CEP250: variants seen among roughly 807,000 people sequenced by gnomAD.
CEP250 encodes the protein centrosomal protein 250, also known as centrosome-associated protein CEP250.
In CEP250, 242 loss-of-function variants were observed where a neutral mutation model predicts 315.7. That is an observed-to-expected ratio of 0.77 (90% CI 0.69 to 0.85). The LOEUF is 0.85. Ranked by LOEUF, CEP250 falls within the 40% of genes least tolerant of loss-of-function variation. The probability of loss-of-function intolerance (pLI) is 0.00; values close to 1 mark genes in which losing one functional copy is unlikely to be tolerated. For missense variants in CEP250, 2,515 were observed against 2,886.4 expected (o/e 0.87, Z 2.95); for synonymous variants, 1,088 against 1,175.0 (o/e 0.93, Z 1.51).
chr20:35,475,486 C>G lies in CEP250; in HGVS notation c.1572-16C>G, dbSNP rs756179766. ...TCCCTAAGAGTTCCTCTAGACCCCT[C>G]TCTTTCCCATCTTAGTCAGGAGATG... On this transcript the variant is annotated splice_polypyrimidine_tract_variant and intron_variant, in intron 14 of 34. Transcript: ENST00000397527. 1.2e-5 allele frequency: 19 copies of G among 1,613,550 alleles called. No homozygotes were observed. The highest frequency in any genetic ancestry group is 1.7e-5 in the Admixed American group (1 of 59,966).
chr20:35,511,336 CTT>C lies in CEP250; in HGVS notation c.7066-14_7066-13del, dbSNP rs746660579. 27,752 of 997,462 alleles carry C rather than the reference CTT, an allele frequency of 0.028. 29 individuals are homozygous for C. The highest frequency in any genetic ancestry group is 0.046 in the South Asian group (2,565 of 56,110). The allele number at this position is 997,462 out of a possible 1,614,324, so 61.8% of individuals were successfully genotyped here. ...ACTTCAGGGCCCTCAGCTGCTCTCG[CTT>C]TTTTTTTTTTTTCCTGCCCACCAGG... On this transcript the variant is annotated intron_variant, in intron 34 of 34. Transcript: ENST00000397527.
chr20:35,506,998 A>G (rs2064203973), intron 30 of CEP250, among the ~76,000 whole-genome samples: 1 of 152,174 alleles, frequency 6.6e-6, no homozygotes, highest in Non-Finnish European at 1.5e-5. Flanking sequence ...CACTTCACCC[A>G]CTGCCACCTC....
At chr20:35,466,261 C>G in intron 7 of CEP250, 57 bp downstream of exon 7, 1 of 1,530,692 alleles carries the variant, frequency 6.5e-7, no homozygotes, top group Non-Finnish European at 8.8e-7. Context: ...TGGATGCTGC[C>G]CTGGTCAGTA....
intron 10 of CEP250, 134 bp downstream of exon 10, chr20:35,470,120 C>A: frequency 1.5e-6 from 1 of 648,416 alleles, no homozygotes. Flanking sequence ...TAAATTTTGG[C>A]TGAATCTGAA....
Position 35,501,891 on chromosome 20 carries a change from G to T in CEP250, c.3945G>T (p.Leu1315=), listed in dbSNP as rs2274238. 47,514 of 1,613,474 alleles carry T rather than the reference G, an allele frequency of 0.029. 1,434 individuals carry two copies. The highest frequency in any genetic ancestry group is 0.11 in the South Asian group (10,332 of 91,010). Residue 1315 remains leucine, a synonymous_variant, in exon 29 of 35, where the codon CTG becomes CTT. Transcript: ENST00000397527. The part of the protein sequence containing the change: ...EGKQNSLESE[L]MELHETMASL... The stretch of plus-strand genomic sequence containing the variant: ...AGCAGAACTCCCTAGAATCTGAGCT[G>T]ATGGAACTACATGAAACTATGGCAT...
intron 21 of CEP250, 95 bp downstream of exon 21, chr20:35,490,899 G>C: frequency 2.1e-6 from 3 of 1,441,360 alleles, no homozygotes; most frequent in Non-Finnish European, 2.8e-6. Context: ...TGCTGCAGAG[G>C]GGCTTCCAGA....
intron 33 of CEP250, 105 bp downstream of exon 33, chr20:35,509,149 C>T (rs985423277): frequency 1.5e-5 from 13 of 858,240 alleles, no homozygotes; most frequent in Non-Finnish European, 2.4e-5. Context: ...TTCAGCTAGT[C>T]CAGAGAGCCC....
chr20:35,478,712 C>T (rs1056773575), intron 17 of CEP250, among the ~76,000 whole-genome samples: 1 of 152,196 alleles, frequency 6.6e-6, no homozygotes, highest in African/African-American at 2.4e-5. Flanking sequence ...TTATATGTCT[C>T]TACCATTAGA....
At position 35,462,579 on chromosome 20, in the gene CEP250, G is replaced by C. The variant is rs370715798; in HGVS notation, c.186+26G>C. 50 of 1,561,686 alleles carry C rather than the reference G, an allele frequency of 3.2e-5. No homozygotes were observed. The African/African-American group carries it at 6.2e-4, about 20-fold the overall frequency. ...GTGAGGCAGCTGCCCTTTTGGGGAG[G>C]GGAAAGAGAACAACCCCCAGAGCTA... On this transcript the variant is annotated intron_variant, in intron 4 of 34. Transcript: ENST00000397527.
Position 35,496,621 on chromosome 20 carries a change from T to C in CEP250, c.3212T>C (p.Leu1071Ser). 1 of 1,614,130 alleles carries C rather than the reference T, an allele frequency of 6.2e-7. No homozygotes were observed. The highest frequency in any genetic ancestry group is 8.5e-7 in the Non-Finnish European group (1 of 1,180,008). The change falls in exon 25 of 35, where the codon TTA becomes TCA. Residue 1071 changes from leucine to serine, a missense_variant. Physicochemically the swap from Leu to Ser is moderately radical, Grantham distance 145 (BLOSUM62 -2). Coordinates refer to ENST00000397527, the MANE Select transcript of CEP250 (RefSeq NM_007186.6). ...LMEKEQRLLV[L>S]QEADSIRQQE... ...GAAAAGGAACAGAGACTCCTTGTTT[T>C]ACAAGAAGCTGACTCTATTCGACAA...
chr20:35,493,542 G>A lies in CEP250; in HGVS notation c.3003G>A (p.Leu1001=), dbSNP rs1180913400. The A allele has an allele frequency of 1.2e-5, 19 of 1,592,072 alleles. No individual in the cohort carries two copies. Among genetic ancestry groups the A allele is most frequent in the Non-Finnish European group, 1.6e-5 (19 of 1,170,556 alleles). Residue 1001 remains leucine, a synonymous_variant, in exon 23 of 35, where the codon CTG becomes CTA. Coordinates refer to ENST00000397527, the MANE Select transcript of CEP250 (RefSeq NM_007186.6). The part of the protein sequence containing the change: ...LAALQEESSS[L]LQDKMDLQKQ... ...CCCTCCAAGAAGAGAGCAGCTCCCT[G>A]CTGCAGGATAAGATGGACCTGCAGA...
At chr20:35,474,859 C>T (rs893531536) in intron 14 of CEP250, 1 of 470,850 alleles carries the variant, frequency 2.1e-6, no homozygotes, top group African/African-American at 2.0e-5. Flanking sequence ...TATGGTAGGT[C>T]TTTAATAACT....
At position 35,501,900 on chromosome 20, in the gene CEP250, A is replaced by G. The variant is rs767984429; in HGVS notation, c.3954A>G (p.Leu1318=). 6.2e-7 allele frequency: 1 copy of G among 1,613,798 alleles called. No homozygotes were observed. Among genetic ancestry groups the G allele is most frequent in the South Asian group, 1.1e-5 (1 of 91,082 alleles). ...QNSLESELME[L]HETMASLQSR... ...CCCTAGAATCTGAGCTGATGGAACT[A>G]CATGAAACTATGGCATCCTTACAGA... The change falls in exon 29 of 35, where the codon CTA becomes CTG. Residue 1318 remains leucine, a synonymous_variant. Transcript: ENST00000397527.
chr20:35,503,716 C>T lies in CEP250; in HGVS notation c.5347C>T (p.Leu1783=). 1 of 1,614,086 alleles carries T rather than the reference C, an allele frequency of 6.2e-7. No individual in the cohort carries two copies. The highest frequency in any genetic ancestry group is 1.6e-4 in the Middle Eastern group (1 of 6,062). ...LSQREQEIVV[L]QQQLQEAREQ... is the part of the protein sequence containing the mutation. ...CCAGCGAGAGCAGGAAATAGTGGTC[C>T]TGCAGCAGCAACTGCAGGAAGCCAG... is the stretch of plus-strand genomic sequence containing the variant. Residue 1783 remains leucine, a synonymous_variant, in exon 30 of 35, where the codon CTG becomes TTG. Coordinates refer to ENST00000397527, the MANE Select transcript of CEP250 (RefSeq NM_007186.6). The surrounding 1 kb of genome is among the most constrained non-coding windows in gnomAD (Gnocchi z 4.2).
At position 35,504,475 on chromosome 20, in the gene CEP250, G is replaced by T. The variant is rs555985621; in HGVS notation, c.6106G>T (p.Asp2036Tyr). Reference protein sequence around the residue: ...IQDQDLRYQEDVQQLQQALAQ... With the variant: ...IQDQDLRYQEYVQQLQQALAQ... Reference sequence around the variant, plus strand: ...GGACCAGGATCTCCGATACCAGGAGGATGTGCAGCAGCTGCAGCAGGCACT... The same window carrying T: ...GGACCAGGATCTCCGATACCAGGAGTATGTGCAGCAGCTGCAGCAGGCACT... The change falls in exon 30 of 35, where the codon GAT becomes TAT. Residue 2036 changes from aspartate to tyrosine, a missense_variant. By Grantham distance (160) the Asp-to-Tyr change is radical. Transcript: ENST00000397527. 1.2e-6 allele frequency: 2 copies of T among 1,613,622 alleles called. No homozygotes were observed. Among genetic ancestry groups the T allele is most frequent in the Admixed American group, 1.7e-5 (1 of 59,914 alleles).
At chr20:35,501,516 GA>G (rs2064001612) in intron 28 of CEP250, among the ~76,000 whole-genome samples, 1 of 152,148 alleles carries the variant, frequency 6.6e-6, no homozygotes, top group African/African-American at 2.4e-5. Flanking sequence ...CTGGGGGCTA[GA>G]AGGAACCTCC....
Position 35,491,194 on chromosome 20 carries a change from C to T in CEP250, c.2755-18C>T, listed in dbSNP as rs556726245. ...TAATCCTGAGCCCACAAGCTGTTAC[C>T]CCCCTACCCCTCCACAGATGCAGCT... is the stretch of plus-strand genomic sequence containing the variant. On this transcript the variant is annotated intron_variant, in intron 21 of 34. Coordinates refer to ENST00000397527, the MANE Select transcript of CEP250 (RefSeq NM_007186.6). The T allele has an allele frequency of 3.1e-6, 5 of 1,609,778 alleles. No homozygotes were observed. The African/African-American group carries it at 4.0e-5, about 13-fold the overall frequency.
At chr20:35,473,335 C>T (rs748907592) in intron 12 of CEP250, 39 bp from the exon 13 acceptor site, 1 of 1,568,204 alleles carries the variant, frequency 6.4e-7, no homozygotes, top group Non-Finnish European at 8.7e-7. Flanking sequence ...CTCCTTTGCC[C>T]TTGTTCATCA....
At position 35,479,335 on chromosome 20, in the gene CEP250, C is replaced by T; in HGVS notation, c.2199C>T (p.Ala733=). ...CCAGGGCAGTCCAGGAGAAGGAGGC[C>T]CTAGTACGAGAGAAAGCGGCTCTAG... is the stretch of plus-strand genomic sequence containing the variant. ...VLARAVQEKE[A]LVREKAALEV... is the part of the protein sequence containing the mutation. The change falls in exon 18 of 35, where the codon GCC becomes GCT. Residue 733 remains alanine (A), a synonymous_variant. Coordinates refer to ENST00000397527, the MANE Select transcript of CEP250 (RefSeq NM_007186.6). The T allele has an allele frequency of 1.2e-6, 2 of 1,614,146 alleles. No individual in the cohort carries two copies. The highest frequency in any genetic ancestry group is 1.7e-6 in the Non-Finnish European group (2 of 1,180,024).
Sources: gnomAD v4.1 joint callset for allele counts (sites outside exome capture counted in the v4.1 genomes callset) on GRCh38, gnomAD v4.1.1 for gene constraint, Gnocchi (gnomAD v3.1) non-coding constraint, MANE v1.5 for transcripts, NCBI Gene and HGNC (gene_info 2026-07-23, HGNC 2026-07-21) for gene names.